The following CNTN4 variants were observed in gnomAD, a reference collection of about 807,000 sequenced individuals.
The protein encoded by CNTN4 is contactin 4.
CNTN4 carries 77 observed loss-of-function variants against 122.5 expected under a neutral mutation model. The ratio of observed to expected loss-of-function variants is 0.63; its 90% CI spans 0.52 to 0.76. CNTN4 has a LOEUF of 0.76. CNTN4 is among the 30% of genes least tolerant of loss of function. The probability of loss-of-function intolerance (pLI) is 0.00; values close to 1 mark genes in which losing one functional copy is unlikely to be tolerated. For missense variants in CNTN4, 1,256 were observed against 1,259.1 expected, an observed-to-expected ratio of 1.00 and a Z score of 0.04; for synonymous variants, 512 against 447.0, an observed-to-expected ratio of 1.15 and a Z score of -1.83.
intron 4 of CNTN4, among the ~76,000 whole-genome samples, chr3:2,579,214 C>G (rs2079827757): frequency 6.6e-6 from 1 of 152,078 alleles, no homozygotes; most frequent in African/African-American, 2.4e-5. Context: ...CGTATTGTAT[C>G]TAGAAAAAAA....
intron 4 of CNTN4, among the ~76,000 whole-genome samples, chr3:2,706,994 A>G (rs567653850): frequency 6.6e-6 from 1 of 150,546 alleles, no homozygotes; most frequent in Admixed American, 6.6e-5. Context: ...GTGTGTGTGT[A>G]TGTAATTATA....
At chr3:2,902,840 AG>A in intron 11 of CNTN4, 35 bp from the exon 12 acceptor site, 1 of 1,602,482 alleles carries the variant, frequency 6.2e-7, no homozygotes, top group South Asian at 1.1e-5. Flanking sequence ...CAGTTGTAGA[AG>A]GTCATTGTTT....
chr3:2,862,485 G>A (rs1349431736), intron 7 of CNTN4, among the ~76,000 whole-genome samples: 1 of 152,140 alleles, frequency 6.6e-6, no homozygotes, highest in Admixed American at 6.5e-5. Flanking sequence ...TCTTTAATGA[G>A]TATCACAATA....
At chr3:3,000,896 T>G (rs1695970659) in intron 14 of CNTN4, among the ~76,000 whole-genome samples, 4 of 144,896 alleles carry the variant, frequency 2.8e-5, no homozygotes, top group Non-Finnish European at 1.5e-5. Context: ...TTTTTTTTTT[T>G]GCTTTCAATG....
At chr3:2,368,158 G>A (rs368646127) in intron 3 of CNTN4, among the ~76,000 whole-genome samples, 2 of 148,978 alleles carry the variant, frequency 1.3e-5, no homozygotes, top group East Asian at 2.0e-4. Context: ...TCAGCCTCCC[G>A]AGTAGCTGGG....
At chr3:2,494,038 T>TC (rs965750525) in intron 3 of CNTN4, among the ~76,000 whole-genome samples, 1 of 152,204 alleles carries the variant, frequency 6.6e-6, no homozygotes, top group African/African-American at 2.4e-5. Flanking sequence ...ATTTTTTTTT[T>TC]TTCCTGTAGT....
intron 4 of CNTN4, among the ~76,000 whole-genome samples, chr3:2,621,300 C>T (rs1034001721): frequency 1.3e-5 from 2 of 152,196 alleles, no homozygotes; most frequent in East Asian, 3.8e-4. Context: ...CTCCTTTCCA[C>T]AAGTTTTATT....
At chr3:2,949,767 C>A (rs917376505) in intron 13 of CNTN4, among the ~76,000 whole-genome samples, 1 of 152,218 alleles carries the variant, frequency 6.6e-6, no homozygotes, top group Admixed American at 6.5e-5. Flanking sequence ...CCCCATTTTG[C>A]ATAATTTAAC....
At chr3:2,187,076 C>G in intron 2 of CNTN4, among the ~76,000 whole-genome samples, 1 of 152,130 alleles carries the variant, frequency 6.6e-6, no homozygotes, top group East Asian at 1.9e-4. Flanking sequence ...ACATTTAAGT[C>G]TTTAATCCAT....
intron 2 of CNTN4, among the ~76,000 whole-genome samples, chr3:2,206,173 C>T (rs7641285): frequency 0.73 from 110,573 of 151,896 alleles, 40,365 homozygotes; most frequent in East Asian, 0.86. Context: ...TGAGGTAAAA[C>T]GAGGAAGAGA....
At chr3:2,751,671 C>T (rs2090100083) in intron 6 of CNTN4, among the ~76,000 whole-genome samples, 1 of 152,134 alleles carries the variant, frequency 6.6e-6, no homozygotes, top group South Asian at 2.1e-4. Flanking sequence ...ATAGCTCCAT[C>T]ACCCTAGCTG....
In CNTN4 at chr3:2,221,619, G is replaced by A. The variant is rs139601700; in HGVS notation, c.-144-117559G>A. On this transcript the variant is annotated intron_variant, in intron 2 of 24. Coordinates refer to ENST00000418658, the MANE Select transcript of CNTN4 (RefSeq NM_175607.3). ...AAGAAATAAAAGACATCCCAAGGAG[G>A]TGGAGAAAATACTTTTACATATATA... is the stretch of plus-strand genomic sequence containing the variant. Among the ~76,000 whole-genome samples the A allele has an allele frequency of 2.3e-3, 353 of 152,044 alleles. 3 individuals are homozygous for A. Among genetic ancestry groups the A allele is most frequent in the Non-Finnish European group, 4.0e-3 (270 of 67,898 alleles).
intron 5 of CNTN4, among the ~76,000 whole-genome samples, chr3:2,737,123 C>T (rs1412877678): frequency 6.6e-6 from 1 of 151,820 alleles, no homozygotes; most frequent in Non-Finnish European, 1.5e-5. Flanking sequence ...CTCTGTCACC[C>T]AGGCTGAAGT....
At chr3:2,128,766 C>T (rs1175350940) in intron 2 of CNTN4, among the ~76,000 whole-genome samples, 2 of 152,186 alleles carry the variant, frequency 1.3e-5, no homozygotes, top group Non-Finnish European at 2.9e-5. Context: ...ATCTGCTTTG[C>T]ATTTGCACAG....
At position 2,988,363 on chromosome 3, in the gene CNTN4, T is replaced by C. The variant is rs748345889; in HGVS notation, c.1377T>C (p.Asp459=). 5.0e-6 allele frequency: 8 copies of C among 1,613,748 alleles called. No individual in the cohort carries two copies. Among genetic ancestry groups the C allele is most frequent in the Non-Finnish European group, 8.5e-7 (1 of 1,179,758 alleles). The part of the protein sequence containing the change: ...KENERITISE[D]GNLRIINVTK... ...ATTTCAGAATTACCATTTCTGAAGA[T>C]GGAAACCTCAGAATCATCAACGTTA... Residue 459 remains aspartate (D), a synonymous_variant, in exon 14 of 25, where the codon GAT becomes GAC. Transcript: ENST00000418658.
intron 3 of CNTN4, among the ~76,000 whole-genome samples, chr3:2,523,434 A>C (rs2077292851): frequency 6.6e-6 from 1 of 151,872 alleles, no homozygotes; most frequent in African/African-American, 2.4e-5. Flanking sequence ...AAGATAGAAC[A>C]GTTTTTCAGA....
chr3:2,841,747 A>G lies in CNTN4; in HGVS notation c.454+22166A>G, dbSNP rs1411572668. Among the ~76,000 whole-genome samples the G allele has an allele frequency of 6.6e-6, 1 of 152,184 alleles. No individual in the cohort carries two copies. The highest frequency in any genetic ancestry group is 1.5e-5 in the Non-Finnish European group (1 of 68,030). ...AAGTTATTAAAAATATGTTTCACTC[A>G]TGATAACATGATCATTTTCAGGAAT... On this transcript the variant is annotated intron_variant, in intron 7 of 24. Coordinates refer to ENST00000418658, the MANE Select transcript of CNTN4 (RefSeq NM_175607.3). The surrounding 1 kb of genome is among the most constrained non-coding windows in gnomAD (Gnocchi z 4.8).
At chr3:2,367,508 T>C (rs1326086876) in intron 3 of CNTN4, among the ~76,000 whole-genome samples, 1 of 152,168 alleles carries the variant, frequency 6.6e-6, no homozygotes, top group Non-Finnish European at 1.5e-5. Flanking sequence ...GTCACTTGGC[T>C]TTGAGATGAG....
At chr3:2,449,144 T>C (rs2048732749) in intron 3 of CNTN4, among the ~76,000 whole-genome samples, 1 of 152,180 alleles carries the variant, frequency 6.6e-6, no homozygotes, top group South Asian at 2.1e-4. Context: ...GGGTGATGTT[T>C]GGAGCATGTT....
Sources: allele counts gnomAD v4.1 joint callset (sites outside exome capture counted in the v4.1 genomes callset), GRCh38; gene constraint gnomAD v4.1.1; non-coding constraint Gnocchi (gnomAD v3.1); transcripts MANE v1.5; gene names NCBI Gene and HGNC (gene_info 2026-07-23, HGNC 2026-07-21).